Variants in IK observed in about 807,000 individuals in gnomAD.
The protein encoded by IK is protein Red.
Under a neutral mutation model 90.9 loss-of-function variants are expected in IK, and 47 were observed. The ratio of observed to expected loss-of-function variants is 0.52; its 90% CI spans 0.41 to 0.66. The LOEUF is 0.66. Ranked by LOEUF, IK falls within the 30% of genes least tolerant of loss-of-function variation. The probability of loss-of-function intolerance (pLI) is 0.00; values close to 1 mark genes in which losing one functional copy is unlikely to be tolerated. For synonymous variants in IK, 201 were observed against 227.5 expected, an observed-to-expected ratio of 0.88 and a Z score of 1.05; for missense variants, 385 against 709.3, an observed-to-expected ratio of 0.54 and a Z score of 5.19.
rs200714869 is a variant in IK, at chr5:140,660,292, C to CTTTTTTTTTTTTTT, written c.1355+106_1355+119dup. The CTTTTTTTTTTTTTT allele has an allele frequency of 8.2e-3, 2,304 of 282,664 alleles. 161 individuals carry two copies. The highest frequency in any genetic ancestry group is 0.02 in the African/African-American group (392 of 19,456). 17.5% of individuals were successfully genotyped at this position (282,664 alleles called of 1,614,324 possible). On this transcript the variant is annotated intron_variant, in intron 15 of 19. Transcript: ENST00000417647. ...GATTCGCTAAGTCCCAGGGCTACTT[C>CTTTTTTTTTTTTTT]TTTTTTTTTTTTTTTTTTTTTTGGA... is the stretch of plus-strand genomic sequence containing the variant.
In IK at chr5:140,658,922, G is replaced by A. The variant is rs377681940; in HGVS notation, c.951-17G>A. On this transcript the variant is annotated splice_polypyrimidine_tract_variant and intron_variant, in intron 11 of 19. Transcript: ENST00000417647. ...GTATGTGTGAATTTGGCCAGCTAGT[G>A]ATCTCCATTTTCCCAGTATTTTTGA... is the stretch of plus-strand genomic sequence containing the variant. The A allele has an allele frequency of 1.2e-6, 2 of 1,613,356 alleles. No individual in the cohort carries two copies. The highest frequency in any genetic ancestry group is 2.7e-5 in the African/African-American group (2 of 74,882).
chr5:140,660,924 C>T (rs1757794372), intron 16 of IK, 109 bp downstream of exon 16: 2 of 764,944 alleles, frequency 2.6e-6, no homozygotes, highest in East Asian at 2.5e-5. Context: ...GCCCCACCCT[C>T]CTTTAGCTGC....
chr5:140,660,722 G>T (rs1426560221), intron 15 of IK, 36 bp from the exon 16 acceptor site: 2 of 1,544,266 alleles, frequency 1.3e-6, no homozygotes, highest in Non-Finnish European at 1.8e-6. Context: ...TAGGGTCAGG[G>T]TATGCAACAT....
At chr5:140,651,601 T>C in intron 2 of IK, 113 bp from the exon 3 acceptor site, 1 of 636,742 alleles carries the variant, frequency 1.6e-6, no homozygotes, top group Non-Finnish European at 2.8e-6. Flanking sequence ...GTGTCATATC[T>C]TTGTTTTAAT....
At chr5:140,656,029 C>T (rs116594993) in intron 9 of IK, 37 bp downstream of exon 9, 8 of 1,545,678 alleles carry the variant, frequency 5.2e-6, no homozygotes, top group Non-Finnish European at 7.0e-6. Flanking sequence ...ATCATGTGAG[C>T]CTCAAGCCTG....
intron 9 of IK, among the ~76,000 whole-genome samples, chr5:140,656,407 ATTCCT>A (rs1167065618): frequency 6.6e-6 from 1 of 152,142 alleles, no homozygotes; most frequent in Non-Finnish European, 1.5e-5. Context: ...TGGCTAGGCT[ATTCCT>A]GACCTCAAGT....
intron 18 of IK, 54 bp downstream of exon 18, chr5:140,662,061 C>T (rs2149809131): frequency 6.4e-7 from 1 of 1,566,872 alleles, no homozygotes. Context: ...AAGACATTAG[C>T]CTGCAGATTC....
At chr5:140,653,210 C>A in intron 5 of IK, 66 bp downstream of exon 5, 1 of 1,398,544 alleles carries the variant, frequency 7.2e-7, no homozygotes, top group Non-Finnish European at 9.9e-7. Flanking sequence ...ACAATGTGAA[C>A]TCTTCCTCTT....
chr5:140,653,364 G>A (rs1432042693), intron 5 of IK, among the ~76,000 whole-genome samples: 1 of 151,330 alleles, frequency 6.6e-6, no homozygotes, highest in Non-Finnish European at 1.5e-5. Context: ...TTGGCTCATG[G>A]CAAGCTCCGC....
At chr5:140,657,766 G>A (rs553313510) in intron 10 of IK, 104 bp downstream of exon 10, 5 of 714,322 alleles carry the variant, frequency 7.0e-6, no homozygotes, top group Non-Finnish European at 1.2e-5. Context: ...AGAGGCTCCT[G>A]GGAAGCAGAG....
chr5:140,648,535 C>G lies in IK; in HGVS notation c.81C>G (p.His27Gln). The change falls in exon 2 of 20, where the codon CAC (histidine) becomes CAG (glutamine). Residue 27 changes from histidine to glutamine, a missense_variant and splice_region_variant. Coordinates refer to ENST00000417647, the MANE Select transcript of IK (RefSeq NM_006083.4). ...ATGTGGATGATCCTCACTCCTTCCA[C>G]CAGTGAGTATTTTGTGCTAGGACCA... is the stretch of plus-strand genomic sequence containing the variant. ...GHDVDDPHSF[H>Q]QSKLTNEDFR... The G allele has an allele frequency of 1.2e-6, 2 of 1,613,548 alleles. No homozygotes were observed. Among genetic ancestry groups the G allele is most frequent in the Non-Finnish European group, 1.7e-6 (2 of 1,179,474 alleles).
rs926288206 is a variant in IK, at chr5:140,662,436, T to G, written c.*107T>G. 5.7e-6 allele frequency: 7 copies of G among 1,233,266 alleles called. 1 individual carries two copies. The Admixed American group carries it at 7.1e-5, about 12-fold the overall frequency. The allele number at this position is 1,233,266 out of a possible 1,614,324, so 76.4% of individuals were successfully genotyped here. A position where few individuals can be genotyped will look rare whatever the true frequency, so the allele number is the denominator to read the frequency against. Reference sequence around the variant, plus strand: ...TTTTTTTGTGGATGAATATAAAATTTTATTGTGTAATTACTTGGTTCCATT... The same window carrying G: ...TTTTTTTGTGGATGAATATAAAATTGTATTGTGTAATTACTTGGTTCCATT... On this transcript the variant is annotated 3_prime_UTR_variant, in exon 20 of 20. Transcript: ENST00000417647.
At chr5:140,654,160 A>T (rs1757667516) in intron 6 of IK, 108 bp downstream of exon 6, 2 of 694,570 alleles carry the variant, frequency 2.9e-6, no homozygotes, top group Admixed American at 5.0e-5. Flanking sequence ...TGAGTAGAAG[A>T]AGGGCTAAAG....
chr5:140,660,654 G>T (rs1581485910), intron 15 of IK, 104 bp from the exon 16 acceptor site: 1 of 836,880 alleles, frequency 1.2e-6, no homozygotes, highest in East Asian at 2.5e-5. Flanking sequence ...GGGAGGTCTA[G>T]GGGGTGGTCA....
rs1257035332 is a variant in IK at position 140,661,286 on chromosome 5, C to G, written c.1414-334C>G. On this transcript the variant is annotated intron_variant, in intron 16 of 19. Transcript: ENST00000417647. This position sits in a 1 kb window ranked among gnomAD's most constrained non-coding sequence, Gnocchi z 4.2. ...GAAATAGCATGGTTTAATCTTGGAG[C>G]CTTGTTTAATCCTGCCTCTACTGTT... 3.4e-6 allele frequency: 1 copy of G among 298,442 alleles called. No individual in the cohort carries two copies. The highest frequency in any genetic ancestry group is 6.2e-6 in the Non-Finnish European group (1 of 160,500). The allele number at this position is 298,442 out of a possible 1,614,324, so 18.5% of individuals were successfully genotyped here. A position where few individuals can be genotyped will look rare whatever the true frequency, so the allele number is the denominator to read the frequency against.
In IK at chr5:140,661,769, T is replaced by C; in HGVS notation, c.1502+61T>C. 1 of 1,428,778 alleles carries C rather than the reference T, an allele frequency of 7.0e-7. No individual in the cohort carries two copies. The highest frequency in any genetic ancestry group is 9.7e-7 in the Non-Finnish European group (1 of 1,030,460). The allele number at this position is 1,428,778 out of a possible 1,614,324, so 88.5% of individuals were successfully genotyped here. On this transcript the variant is annotated intron_variant, in intron 17 of 19. Coordinates refer to ENST00000417647, the MANE Select transcript of IK (RefSeq NM_006083.4). The surrounding 1 kb of genome is among the most constrained non-coding windows in gnomAD (Gnocchi z 4.2). ...GGGGTGTGGGGATTTGGTGGAATAGTGCATATAAGGTTAGAGGGTGTGGTC... is the reference window on the plus strand; with the variant it reads ...GGGGTGTGGGGATTTGGTGGAATAGCGCATATAAGGTTAGAGGGTGTGGTC...
rs896523878 is a variant in IK at position 140,656,522 on chromosome 5, A to G, written c.801+530A>G. Among the ~76,000 whole-genome samples, 32 of 124,844 alleles carry G rather than the reference A, an allele frequency of 2.6e-4. 1 individual carries two copies. Among genetic ancestry groups the G allele is most frequent in the Non-Finnish European group, 4.3e-4 (24 of 55,786 alleles). The allele number at this position is 124,844 out of a possible 152,430, so 81.9% of individuals were successfully genotyped here. A position where few individuals can be genotyped will look rare whatever the true frequency, so the allele number is the denominator to read the frequency against. The stretch of plus-strand genomic sequence containing the variant: ...AAAAAGGCTTCTAATTGGTTTCCGC[A>G]CTTCCACTCTGGTTTCCGCACTTCC... On this transcript the variant is annotated intron_variant, in intron 9 of 19. Coordinates refer to ENST00000417647, the MANE Select transcript of IK (RefSeq NM_006083.4).
At chr5:140,660,291 T>C in intron 15 of IK, 96 bp downstream of exon 15, 1 of 509,312 alleles carries the variant, frequency 2.0e-6, no homozygotes, top group Non-Finnish European at 3.4e-6. Context: ...CAGGGCTACT[T>C]CTTTTTTTTT....
chr5:140,656,191 A>G (rs918191741), intron 9 of IK, among the ~76,000 whole-genome samples, 199 bp downstream of exon 9: 4 of 152,166 alleles, frequency 2.6e-5, no homozygotes, highest in Non-Finnish European at 5.9e-5. Flanking sequence ...TGCTGGAACT[A>G]TTAACTTACT....
Sources: allele counts gnomAD v4.1 joint callset (sites outside exome capture counted in the v4.1 genomes callset), GRCh38; gene constraint gnomAD v4.1.1; non-coding constraint Gnocchi (gnomAD v3.1); transcripts MANE v1.5; gene names NCBI Gene and HGNC (gene_info 2026-07-23, HGNC 2026-07-21).